RHBDF2: variants seen among roughly 807,000 people sequenced by gnomAD.
The protein encoded by RHBDF2 is rhomboid 5 homolog 2, also known as inactive rhomboid protein 2.
In RHBDF2, 38 loss-of-function variants were observed where a neutral mutation model predicts 95.2. The ratio of observed to expected loss-of-function variants is 0.40; its 90% CI spans 0.31 to 0.52. RHBDF2 has a LOEUF of 0.52. Among genes scored for constraint, RHBDF2 ranks in the 20% least tolerant of loss-of-function variants. The probability of loss-of-function intolerance (pLI) is 0.56; values close to 1 mark genes in which losing one functional copy is unlikely to be tolerated. For missense variants in RHBDF2, 863 were observed against 1,137.7 expected, an observed-to-expected ratio of 0.76 and a Z score of 3.47; for synonymous variants, 442 against 462.0, an observed-to-expected ratio of 0.96 and a Z score of 0.55.
At chr17:76,492,858 G>A (rs1331191597) in intron 1 of RHBDF2, among the ~76,000 whole-genome samples, 1 of 152,208 alleles carries the variant, frequency 6.6e-6, no homozygotes. Flanking sequence ...GGACACAGGG[G>A]TGGGACGGGA....
chr17:76,481,170 T>C (rs777277562), intron 3 of RHBDF2, among the ~76,000 whole-genome samples: 6 of 152,162 alleles, frequency 3.9e-5, no homozygotes, highest in Non-Finnish European at 5.9e-5. Context: ...CTGACCACGA[T>C]GAGAGTGAGC....
At chr17:76,481,189 T>C (rs2073951819) in intron 3 of RHBDF2, among the ~76,000 whole-genome samples, 186 bp downstream of exon 3, 1 of 152,206 alleles carries the variant, frequency 6.6e-6, no homozygotes, top group Non-Finnish European at 1.5e-5. Flanking sequence ...GCCCGGTTCC[T>C]GGCTTTACTC....
intron 1 of RHBDF2, among the ~76,000 whole-genome samples, chr17:76,498,886 G>C (rs1330793218): frequency 6.6e-6 from 1 of 151,286 alleles, no homozygotes; most frequent in Non-Finnish European, 1.5e-5. Context: ...GTGTCTGTGT[G>C]TGTGTGTGGT....
intron 1 of RHBDF2, among the ~76,000 whole-genome samples, chr17:76,499,939 C>T (rs1194653397): frequency 6.6e-6 from 1 of 152,104 alleles, no homozygotes; most frequent in Non-Finnish European, 1.5e-5. Context: ...GCACCTAGAC[C>T]AGCTTCCTGC....
At chr17:76,493,987 C>T (rs1434173901) in intron 1 of RHBDF2, among the ~76,000 whole-genome samples, 1 of 152,270 alleles carries the variant, frequency 6.6e-6, no homozygotes, top group African/African-American at 2.4e-5. Flanking sequence ...TATCCGGCCC[C>T]AGGCTCTGGG....
intron 1 of RHBDF2, among the ~76,000 whole-genome samples, chr17:76,488,848 T>C (rs2074218524): frequency 6.6e-6 from 1 of 152,138 alleles, no homozygotes; most frequent in Non-Finnish European, 1.5e-5. Context: ...CTCAGGAGGC[T>C]GAGGCAGGAG....
At chr17:76,493,571 C>T (rs749695514) in intron 1 of RHBDF2, among the ~76,000 whole-genome samples, 5 of 152,002 alleles carry the variant, frequency 3.3e-5, no homozygotes, top group African/African-American at 7.2e-5. Context: ...TGAGCTGCGG[C>T]GTGAGCTCCA....
Position 76,475,117 on chromosome 17 carries a change from G to C in RHBDF2, c.1140C>G (p.Thr380=). 5 of 1,597,898 alleles carry C rather than the reference G, an allele frequency of 3.1e-6. No homozygotes were observed. The highest frequency in any genetic ancestry group is 4.3e-6 in the Non-Finnish European group (5 of 1,173,234). The stretch of plus-strand genomic sequence containing the variant: ...GCAGCGTGATGATGACATGGACGAA[G>C]GTCAGCCAGTAGGTGAAGTAGGGCC... The part of the protein sequence containing the change: ...SHRPYFTYWL[T]FVHVIITLLV... Residue 380 remains threonine (T), a synonymous_variant, in exon 10 of 19, where the codon ACC becomes ACG. Coordinates refer to ENST00000675367, the MANE Select transcript of RHBDF2 (RefSeq NM_001005498.4).
At chr17:76,482,752 G>A (rs111800194) in intron 2 of RHBDF2, among the ~76,000 whole-genome samples, 431 of 151,632 alleles carry the variant, frequency 2.8e-3, no homozygotes, top group Non-Finnish European at 5.1e-3. Flanking sequence ...CAGCCTGGGC[G>A]ACAGAGTGAG....
chr17:76,498,968 G>C (rs1273960197), intron 1 of RHBDF2, among the ~76,000 whole-genome samples: 1 of 151,904 alleles, frequency 6.6e-6, no homozygotes, highest in East Asian at 1.9e-4. Flanking sequence ...CCTGAGGGTG[G>C]GCAACTGGGT....
chr17:76,495,080 C>T (rs920764533), intron 1 of RHBDF2, among the ~76,000 whole-genome samples: 1 of 152,184 alleles, frequency 6.6e-6, no homozygotes, highest in Non-Finnish European at 1.5e-5. Context: ...CACAGCAACA[C>T]AGGCTCGGTG....
At chr17:76,495,686 C>T (rs937332576) in intron 1 of RHBDF2, among the ~76,000 whole-genome samples, 8 of 152,120 alleles carry the variant, frequency 5.3e-5, no homozygotes, top group Non-Finnish European at 7.4e-5. Context: ...CCCAGGGAGC[C>T]GACGGCATCC....
intron 1 of RHBDF2, among the ~76,000 whole-genome samples, chr17:76,492,825 A>T (rs2144403374): frequency 6.6e-6 from 1 of 152,304 alleles, no homozygotes; most frequent in East Asian, 1.9e-4. Context: ...GCAAGGGCTG[A>T]GCCTGCGTGT....
At chr17:76,477,899 G>A (rs1290830626) in intron 6 of RHBDF2, 114 bp from the exon 7 acceptor site, 6 of 1,468,810 alleles carry the variant, frequency 4.1e-6, no homozygotes, top group Non-Finnish European at 5.4e-6. Flanking sequence ...GCCTTGGGAG[G>A]AGGGATCCTG....
At chr17:76,491,719 T>C (rs2074307035) in intron 1 of RHBDF2, among the ~76,000 whole-genome samples, 1 of 152,124 alleles carries the variant, frequency 6.6e-6, no homozygotes, top group Non-Finnish European at 1.5e-5. Context: ...TGAGATCAAC[T>C]GCCTCCAACT....
At chr17:76,474,950 T>G (rs1398025778) in intron 10 of RHBDF2, 80 bp downstream of exon 10, 4 of 1,460,080 alleles carry the variant, frequency 2.7e-6, no homozygotes, top group Non-Finnish European at 2.8e-6. Flanking sequence ...ATTGTTGCGG[T>G]GGGAGGGATT....
chr17:76,479,494 C>A (rs1487397722), intron 4 of RHBDF2: 7 of 780,634 alleles, frequency 9.0e-6, no homozygotes, highest in African/African-American at 1.7e-5. Flanking sequence ...CAGGCACCCC[C>A]ACACTGATCC....
chr17:76,492,811 T>C (rs2074336736), intron 1 of RHBDF2, among the ~76,000 whole-genome samples: 1 of 152,074 alleles, frequency 6.6e-6, no homozygotes, highest in Non-Finnish European at 1.5e-5. Context: ...GGCAGAGGCT[T>C]GATGCAAGGG....
At chr17:76,486,685 G>T (rs1393672484) in intron 2 of RHBDF2, among the ~76,000 whole-genome samples, 1 of 129,192 alleles carries the variant, frequency 7.7e-6, no homozygotes, top group African/African-American at 3.1e-5. Context: ...CTGTACTCCA[G>T]CCTGGGTAAC....
Sources: allele counts gnomAD v4.1 joint callset (sites outside exome capture counted in the v4.1 genomes callset), GRCh38; gene constraint gnomAD v4.1.1; transcripts MANE v1.5; gene names NCBI Gene and HGNC (gene_info 2026-07-23, HGNC 2026-07-21).